Variants in ENKUR observed in about 807,000 individuals in gnomAD.
The protein encoded by ENKUR is enkurin.
A neutral mutation model predicts 27.6 loss-of-function variants in ENKUR; 19 were observed. The ratio of observed to expected loss-of-function variants is 0.69; its 90% CI spans 0.48 to 1.01. The LOEUF is 1.01. Ranked by LOEUF, ENKUR falls within the 50% of genes least tolerant of loss-of-function variation. ENKUR has a pLI of 0.00. For synonymous variants in ENKUR, 117 were observed against 96.9 expected (o/e 1.21, Z -1.22); for missense variants, 312 against 310.5 (o/e 1.00, Z -0.04).
chr10:24,984,944 C>T (rs529994890), intron 4 of ENKUR, 39 bp from the exon 5 acceptor site: 2 of 1,524,464 alleles, frequency 1.3e-6, no homozygotes, highest in African/African-American at 1.4e-5. Flanking sequence ...CCAAAGCAAA[C>T]TGCAAAAGTA....
At chr10:25,001,949 T>C (rs1322149380) in intron 1 of ENKUR, among the ~76,000 whole-genome samples, 1 of 152,254 alleles carries the variant, frequency 6.6e-6, no homozygotes, top group Non-Finnish European at 1.5e-5. Flanking sequence ...TTTACATTGT[T>C]TGTTGCTGAA....
intron 2 of ENKUR, chr10:25,023,422 G>C: frequency 6.2e-7 from 1 of 1,614,082 alleles, no homozygotes; most frequent in African/African-American, 1.3e-5. Context: ...TCCTGGTGCT[G>C]GGAAAACAAC....
intron 2 of ENKUR, chr10:25,025,257 TTTAAAGA>T: frequency 6.2e-7 from 1 of 1,614,198 alleles, no homozygotes; most frequent in Non-Finnish European, 8.5e-7. Context: ...TCATGCAGGC[TTTAAAGA>T]TTAAAGAAAT....
chr10:25,005,055 G>A (rs370607082), intron 1 of ENKUR, among the ~76,000 whole-genome samples: 4 of 152,094 alleles, frequency 2.6e-5, no homozygotes, highest in African/African-American at 9.7e-5. Context: ...GTTTGTCAAG[G>A]ATCAGATACT....
intron 2 of ENKUR, among the ~76,000 whole-genome samples, chr10:25,059,631 A>C (rs1022167244): frequency 6.6e-6 from 1 of 152,132 alleles, no homozygotes; most frequent in Non-Finnish European, 1.5e-5. Context: ...GGCACCCCCC[A>C]AAAAATGCTA....
chr10:25,013,120 C>T (rs1462541263), intron 1 of ENKUR, among the ~76,000 whole-genome samples: 3 of 152,176 alleles, frequency 2.0e-5, no homozygotes, highest in Non-Finnish European at 4.4e-5. Flanking sequence ...CTTTGCTCCG[C>T]CTTTGCCTTC....
At chr10:25,051,864 G>A (rs746979277) in intron 2 of ENKUR, among the ~76,000 whole-genome samples, 19 of 152,288 alleles carry the variant, frequency 1.2e-4, no homozygotes, top group Non-Finnish European at 2.2e-4. Context: ...CTACTAGGTC[G>A]TCATTCTGCT....
intron 2 of ENKUR, chr10:25,024,170 C>CT: frequency 6.2e-7 from 1 of 1,614,206 alleles, no homozygotes; most frequent in Non-Finnish European, 8.5e-7. Flanking sequence ...ATGATTGAAA[C>CT]TGCTTATGGG....
intron 2 of ENKUR, among the ~76,000 whole-genome samples, chr10:25,038,102 C>T (rs1851026190): frequency 6.6e-6 from 1 of 152,168 alleles, no homozygotes; most frequent in Non-Finnish European, 1.5e-5. Flanking sequence ...ACTTCCAGTT[C>T]TCTCTAGGTA....
At chr10:25,025,286 C>A in intron 2 of ENKUR, 1 of 1,614,180 alleles carries the variant, frequency 6.2e-7, no homozygotes, top group Non-Finnish European at 8.5e-7. Flanking sequence ...AATGAGACTT[C>A]ATCAAGTCAG....
At chr10:25,046,040 C>A (rs1262222050) in intron 2 of ENKUR, among the ~76,000 whole-genome samples, 2 of 152,048 alleles carry the variant, frequency 1.3e-5, no homozygotes, top group African/African-American at 4.8e-5. Context: ...TGATTAAAAT[C>A]AAAATGTTCT....
intron 2 of ENKUR, among the ~76,000 whole-genome samples, chr10:25,043,575 T>A (rs1851087761): frequency 6.6e-6 from 1 of 152,164 alleles, no homozygotes; most frequent in African/African-American, 2.4e-5. Context: ...AATTTTTTTT[T>A]AAAGTGTATC....
chr10:25,000,145 C>A (rs1175680112), intron 1 of ENKUR, among the ~76,000 whole-genome samples: 1 of 152,034 alleles, frequency 6.6e-6, no homozygotes, highest in Non-Finnish European at 1.5e-5. Context: ...TTCCAGATAT[C>A]TAATTGATTT....
chr10:25,032,314 A>AAGG lies in ENKUR; in HGVS notation c.37+28797_37+28798insCCT, dbSNP rs397970303. Among the ~76,000 whole-genome samples, 546 of 137,236 alleles carry AAGG rather than the reference A, an allele frequency of 4.0e-3. 5 individuals are homozygous for AAGG. The highest frequency in any genetic ancestry group is 0.013 in the African/African-American group (495 of 36,738). The allele number at this position is 137,236 out of a possible 152,430, so 90.0% of individuals were successfully genotyped here. A position where few individuals can be genotyped will look rare whatever the true frequency, so the allele number is the denominator to read the frequency against. On this transcript the variant is annotated intron_variant, in intron 2 of 5. Coordinates refer to the ENKUR transcript ENST00000615958. ...CAGGGAATTAGAATCAGAGTAAAGAAGGGGGGGGGGCTATGATCGTTACCA... is the reference window on the plus strand; with the variant it reads ...CAGGGAATTAGAATCAGAGTAAAGAAAGGGGGGGGGGGGCTATGATCGTTACCA...
At chr10:25,023,845 T>C (rs1850775930) in intron 2 of ENKUR, 1 of 1,614,070 alleles carries the variant, frequency 6.2e-7, no homozygotes, top group Non-Finnish European at 8.5e-7. Context: ...AAGTGGGGCT[T>C]CCCCAGAGGA....
chr10:25,049,516 G>A (rs4749001), intron 2 of ENKUR, among the ~76,000 whole-genome samples: 38,500 of 152,088 alleles, frequency 0.25, 6,046 homozygotes, highest in East Asian at 0.48. Flanking sequence ...GGCCAGGCAT[G>A]GTGGCTCATG....
chr10:25,040,013 T>A (rs1329411668), intron 2 of ENKUR, among the ~76,000 whole-genome samples: 2 of 50,562 alleles, frequency 4.0e-5, no homozygotes, highest in African/African-American at 2.6e-4. Context: ...GTACGTACTC[T>A]GTTCTTCTCT....
At chr10:25,027,763 C>A (rs1850884980) in intron 2 of ENKUR, among the ~76,000 whole-genome samples, 1 of 151,908 alleles carries the variant, frequency 6.6e-6, no homozygotes, top group Non-Finnish European at 1.5e-5. Flanking sequence ...CACCTGTAGT[C>A]CCAGCTACCC....
intron 2 of ENKUR, among the ~76,000 whole-genome samples, chr10:25,054,145 G>A (rs1033368950): frequency 6.6e-6 from 1 of 152,244 alleles, no homozygotes. Context: ...TGCTGGCCGG[G>A]CATGGTGGCG....
Sources: allele counts gnomAD v4.1 joint callset (sites outside exome capture counted in the v4.1 genomes callset), GRCh38; gene constraint gnomAD v4.1.1; transcripts MANE v1.5; gene names NCBI Gene and HGNC (gene_info 2026-07-23, HGNC 2026-07-21).